Variants in DUSP22 observed in about 807,000 individuals in gnomAD.
DUSP22 encodes the protein dual specificity phosphatase 22, also known as dual specificity protein phosphatase 22.
DUSP22 carries 24 observed loss-of-function variants against 24.5 expected under a neutral mutation model. That is an observed-to-expected ratio of 0.98 (90% CI 0.71 to 1.38). The LOEUF (loss-of-function observed/expected upper bound fraction) is 1.38. Ranked by LOEUF, DUSP22 falls within the 40% of genes most tolerant of loss-of-function variation. The pLI is 0.00. For synonymous variants in DUSP22, 160 were observed against 106.4 expected (o/e 1.50, Z -3.10); for missense variants, 330 against 269.2 (o/e 1.23, Z -1.58).
At chr6:293,562 C>T (rs1204205077) in intron 1 of DUSP22, among the ~76,000 whole-genome samples, 1 of 152,290 alleles carries the variant, frequency 6.6e-6, no homozygotes, top group South Asian at 2.1e-4. Flanking sequence ...GTGGGGATGG[C>T]AATGTGGCTG....
Position 351,152 on chromosome 6 carries a change from C to A in DUSP22, c.*2201C>A. The A allele has an allele frequency of 2.0e-6, 1 of 509,066 alleles. No individual in the cohort carries two copies. The highest frequency in any genetic ancestry group is 3.5e-6 in the Non-Finnish European group (1 of 288,918). 31.5% of individuals were successfully genotyped at this position (509,066 alleles called of 1,614,324 possible). On this transcript the variant is annotated 3_prime_UTR_variant, in exon 7 of 7. Transcript: ENST00000419235. ...CCGCACTGCCTTGTGGGTGGCTTGG[C>A]GCTCGTGATTGCTTCCTGTGAACGC...
At chr6:321,607 G>C (rs1478595329) in intron 3 of DUSP22, among the ~76,000 whole-genome samples, 1 of 152,268 alleles carries the variant, frequency 6.6e-6, no homozygotes, top group African/African-American at 2.4e-5. Context: ...TGAAAGAAGG[G>C]GAAAGATTCT....
intron 4 of DUSP22, among the ~76,000 whole-genome samples, chr6:343,703 G>GTTTGCGTGTGCATGTTTGCATA (rs1271745772): frequency 6.6e-6 from 1 of 152,292 alleles, no homozygotes; most frequent in Non-Finnish European, 1.5e-5. Context: ...ATGTTTGCAT[G>GTTTGCGTGTGCATGTTTGCATA]TGGATGCATG....
At position 349,592 on chromosome 6, in the gene DUSP22, C is replaced by T. The variant is rs996692735; in HGVS notation, c.*641C>T. The T allele has an allele frequency of 7.1e-6, 7 of 987,966 alleles. No homozygotes were observed. In the South Asian group the frequency reaches 1.9e-4, roughly 26 times the overall value. The allele number at this position is 987,966 out of a possible 1,614,324, so 61.2% of individuals were successfully genotyped here. A position where few individuals can be genotyped will look rare whatever the true frequency, so the allele number is the denominator to read the frequency against. ...TGGTGGGGGCAACAGGGGCCAGACT[C>T]CTCTAGAGGGAGGGTGGCTCTGGGG... On this transcript the variant is annotated 3_prime_UTR_variant, in exon 7 of 7. Coordinates refer to ENST00000419235, the MANE Select transcript of DUSP22 (RefSeq NM_001286555.3).
chr6:310,322 A>C (rs1758019418), intron 2 of DUSP22, among the ~76,000 whole-genome samples: 1 of 152,284 alleles, frequency 6.6e-6, no homozygotes, highest in African/African-American at 2.4e-5. Context: ...CCAGGCTGGG[A>C]TGGGGGTGTA....
In DUSP22 at chr6:351,105, T is replaced by C. The variant is rs1760191589; in HGVS notation, c.*2154T>C. 7.7e-6 allele frequency: 5 copies of C among 651,582 alleles called. No individual in the cohort carries two copies. The highest frequency in any genetic ancestry group is 1.0e-5 in the Non-Finnish European group (4 of 398,706). The allele number at this position is 651,582 out of a possible 1,614,324, so 40.4% of individuals were successfully genotyped here. ...GGTTTCTGTACCTCGCTTGGATGCC[T>C]GTAAGGATCCCGGGAGCCTTGCCGC... On this transcript the variant is annotated 3_prime_UTR_variant, in exon 7 of 7. Coordinates refer to ENST00000419235, the MANE Select transcript of DUSP22 (RefSeq NM_001286555.3).
At chr6:333,620 C>G (rs527557503) in intron 3 of DUSP22, among the ~76,000 whole-genome samples, 6 of 152,420 alleles carry the variant, frequency 3.9e-5, no homozygotes, top group African/African-American at 1.4e-4. Context: ...AGACTGAAAG[C>G]TCATGGTTCC....
intron 1 of DUSP22, among the ~76,000 whole-genome samples, chr6:296,407 A>T (rs1464241311): frequency 2.6e-5 from 4 of 152,306 alleles, no homozygotes; most frequent in African/African-American, 9.6e-5. Context: ...TGAGTAGCAG[A>T]GCCTGGACTC....
At chr6:292,774 C>T (rs1012042495) in intron 1 of DUSP22, among the ~76,000 whole-genome samples, 2 of 152,270 alleles carry the variant, frequency 1.3e-5, no homozygotes, top group Non-Finnish European at 2.9e-5. Context: ...GTAGGCAGCC[C>T]CCAGCCGCCT....
chr6:313,325 A>C (rs961731685), intron 3 of DUSP22, among the ~76,000 whole-genome samples: 1 of 152,304 alleles, frequency 6.6e-6, no homozygotes, highest in African/African-American at 2.4e-5. Flanking sequence ...CATGACCCTT[A>C]AATCTGCTCA....
chr6:319,137 T>A (rs1214673480), intron 3 of DUSP22, among the ~76,000 whole-genome samples: 10 of 149,952 alleles, frequency 6.7e-5, no homozygotes, highest in African/African-American at 2.0e-4. Context: ...TTCCTCTATT[T>A]AAAAAAAAAA....
intron 1 of DUSP22, among the ~76,000 whole-genome samples, chr6:297,719 T>C (rs1757404591): frequency 6.6e-6 from 1 of 152,310 alleles, no homozygotes; most frequent in African/African-American, 2.4e-5. Flanking sequence ...TCCTGAGGCC[T>C]GTGTGATCTG....
intron 3 of DUSP22, 27 bp downstream of exon 3, chr6:311,989 G>A: frequency 1.2e-6 from 2 of 1,601,542 alleles, no homozygotes; most frequent in African/African-American, 1.3e-5. Flanking sequence ...GGGCGTGTGT[G>A]GGTGTCCTCA....
In DUSP22 at chr6:349,193, T is replaced by C. The variant is rs1760050431; in HGVS notation, c.*242T>C. 7.0e-7 allele frequency: 1 copy of C among 1,418,778 alleles called. No individual in the cohort carries two copies. The highest frequency in any genetic ancestry group is 9.2e-7 in the Non-Finnish European group (1 of 1,089,874). The allele number at this position is 1,418,778 out of a possible 1,614,324, so 87.9% of individuals were successfully genotyped here. On this transcript the variant is annotated 3_prime_UTR_variant, in exon 7 of 7. Transcript: ENST00000419235. ...GGGATGTTGCCCAGTGGCTGTGCAC[T>C]GCTCTGTGCACGTGCGTGTGTGTGA...
chr6:342,464 T>C (rs1759653877), intron 4 of DUSP22, among the ~76,000 whole-genome samples: 1 of 152,310 alleles, frequency 6.6e-6, no homozygotes, highest in African/African-American at 2.4e-5. Context: ...TGCACTGGCC[T>C]GTCTACTGCA....
intron 3 of DUSP22, among the ~76,000 whole-genome samples, chr6:316,718 C>T (rs1233311293): frequency 6.6e-6 from 1 of 152,302 alleles, no homozygotes; most frequent in Non-Finnish European, 1.5e-5. Context: ...AAGCAGAGCA[C>T]CTGCAGGAAA....
intron 1 of DUSP22, among the ~76,000 whole-genome samples, chr6:301,612 T>C (rs532839236): frequency 6.6e-6 from 1 of 152,412 alleles, no homozygotes; most frequent in South Asian, 2.1e-4. Flanking sequence ...CCTGTGTGAA[T>C]TGAGGCTCTG....
Position 348,192 on chromosome 6 carries a change from T to C in DUSP22, c.353T>C (p.Val118Ala), listed in dbSNP as rs1185747479. The C allele has an allele frequency of 2.5e-6, 4 of 1,614,180 alleles. No homozygotes were observed. The African/African-American group carries it at 4.0e-5, about 16-fold the overall frequency. Reference sequence around the variant, plus strand: ...GGCTGGGAGGATGCCCTGCACACCGTGCGTGCTGGGAGATCCTGTGCCAAC... The same window carrying C: ...GGCTGGGAGGATGCCCTGCACACCGCGCGTGCTGGGAGATCCTGTGCCAAC... Reference protein sequence around the residue: ...DFGWEDALHTVRAGRSCANPN... With the variant: ...DFGWEDALHTARAGRSCANPN... Residue 118 changes from valine (V) to alanine (A), a missense_variant, in exon 6 of 7, where the codon GTG becomes GCG. Transcript: ENST00000419235.
intron 4 of DUSP22, among the ~76,000 whole-genome samples, chr6:336,115 A>C (rs1267172109): frequency 6.6e-6 from 1 of 152,302 alleles, no homozygotes. Flanking sequence ...AGTAGATTAC[A>C]GTTTTCCTGA....
Sources: gnomAD v4.1 joint callset for allele counts (sites outside exome capture counted in the v4.1 genomes callset) on GRCh38, gnomAD v4.1.1 for gene constraint, MANE v1.5 for transcripts, NCBI Gene and HGNC (gene_info 2026-07-23, HGNC 2026-07-21) for gene names.